The following PPP4R2 variants were observed in gnomAD, a reference collection of about 807,000 sequenced individuals.
PPP4R2 encodes serine/threonine-protein phosphatase 4 regulatory subunit 2.
In PPP4R2, 13 loss-of-function variants were observed where a neutral mutation model predicts 47.2. That is an observed-to-expected ratio of 0.28 (90% CI 0.18 to 0.44). The LOEUF (loss-of-function observed/expected upper bound fraction) is 0.44, where lower values mean the gene tolerates loss of function less well. Among genes scored for constraint, PPP4R2 ranks in the 20% least tolerant of loss-of-function variants. PPP4R2 has a pLI of 1.00. For missense variants in PPP4R2, 421 were observed against 491.2 expected, an observed-to-expected ratio of 0.86 and a Z score of 1.35; for synonymous variants, 151 against 163.3, an observed-to-expected ratio of 0.92 and a Z score of 0.57.
chr3:73,051,645 G>A (rs948031707), intron 3 of PPP4R2, among the ~76,000 whole-genome samples: 2 of 152,062 alleles, frequency 1.3e-5, no homozygotes, highest in East Asian at 3.9e-4. Context: ...TTTGGTTTTC[G>A]AGATGGAGTC....
intron 2 of PPP4R2, among the ~76,000 whole-genome samples, chr3:73,018,594 C>G (rs979652063): frequency 3.3e-5 from 5 of 152,014 alleles, no homozygotes; most frequent in Non-Finnish European, 7.4e-5. Flanking sequence ...GTGTCTTGGT[C>G]TTTAAAATTT....
At position 73,068,531 on chromosome 3, in the gene PPP4R2, G is replaced by C. The variant is rs914804320; in HGVS notation, c.*2809G>C. On this transcript the variant is annotated 3_prime_UTR_variant, in exon 9 of 9. Coordinates refer to ENST00000356692, the MANE Select transcript of PPP4R2 (RefSeq NM_174907.4). ...GTTGATTATTAGATAAATTTAACCT[G>C]CTTAGGGTTTATTGTAACTACACCT... is the stretch of plus-strand genomic sequence containing the variant. 4 of 152,150 alleles carry C rather than the reference G, an allele frequency of 2.6e-5. No homozygotes were observed. The highest frequency in any genetic ancestry group is 5.9e-5 in the Non-Finnish European group (4 of 68,026). 9.4% of individuals were successfully genotyped at this position (152,150 alleles called of 1,614,324 possible). A position where few individuals can be genotyped will look rare whatever the true frequency, so the allele number is the denominator to read the frequency against.
intron 2 of PPP4R2, among the ~76,000 whole-genome samples, chr3:73,033,840 T>G (rs1334851881): frequency 6.6e-6 from 1 of 152,242 alleles, no homozygotes; most frequent in Non-Finnish European, 1.5e-5. Context: ...TGTTTTCACC[T>G]TTTAGCCATT....
intron 2 of PPP4R2, among the ~76,000 whole-genome samples, chr3:73,007,976 A>T (rs978230412): frequency 3.7e-4 from 56 of 152,106 alleles, no homozygotes; most frequent in African/African-American, 1.4e-3. Flanking sequence ...TTTTTCCCTC[A>T]AAATTTTTTT....
rs1245599779 is a variant in PPP4R2, at chr3:73,002,629, C to CTTTTTTTTTTTTT, written c.116+4475_116+4476insTTTTTTTTTTTTT. 5.3e-3 allele frequency among the ~76,000 whole-genome samples: 436 copies of CTTTTTTTTTTTTT among 82,852 alleles called. 45 individuals carry two copies. The highest frequency in any genetic ancestry group is 7.7e-3 in the African/African-American group (140 of 18,068). The allele number at this position is 82,852 out of a possible 152,430, so 54.4% of individuals were successfully genotyped here. A position where few individuals can be genotyped will look rare whatever the true frequency, so the allele number is the denominator to read the frequency against. On this transcript the variant is annotated intron_variant, in intron 2 of 8. Coordinates refer to ENST00000356692, the MANE Select transcript of PPP4R2 (RefSeq NM_174907.4). ...TTTTTCTTTTCTTTTCTTTTCTTTT[C>CTTTTTTTTTTTTT]TTTTCTTTTTTTTTTTTTTTTTTTT... is the stretch of plus-strand genomic sequence containing the variant.
Position 73,040,854 on chromosome 3 carries a change from A to G in PPP4R2, c.117-6332A>G, listed in dbSNP as rs548208589. Among the ~76,000 whole-genome samples the G allele has an allele frequency of 9.8e-5, 15 of 152,298 alleles. No individual in the cohort carries two copies. In the South Asian group the frequency reaches 2.3e-3, roughly 23 times the overall value. The stretch of plus-strand genomic sequence containing the variant: ...ACTGTGATTAATAAATTATGGCACA[A>G]ATACGTGGTGCAGTTAAAAATCTTG... On this transcript the variant is annotated intron_variant, in intron 2 of 8. Coordinates refer to ENST00000356692, the MANE Select transcript of PPP4R2 (RefSeq NM_174907.4).
Position 73,065,157 on chromosome 3 carries a change from CTGTAAAAGGGT to C in PPP4R2, c.928+17_928+27del. The C allele has an allele frequency of 6.3e-7, 1 of 1,582,126 alleles. No individual in the cohort carries two copies. On this transcript the variant is annotated intron_variant, in intron 8 of 8. Coordinates refer to ENST00000356692, the MANE Select transcript of PPP4R2 (RefSeq NM_174907.4). ...GAAGAAGAAGGTATTTAGAGACCAT[CTGTAAAAGGGT>C]GGAGTAAGGAGATCCTCAAATTCTT... is the stretch of plus-strand genomic sequence containing the variant.
intron 2 of PPP4R2, among the ~76,000 whole-genome samples, chr3:73,032,239 CTTTG>C (rs1328778602): frequency 2.0e-5 from 3 of 151,336 alleles, no homozygotes; most frequent in Non-Finnish European, 2.9e-5. Context: ...TTTAAATTTT[CTTTG>C]TTTTTTATTT....
rs555109619 is a variant in PPP4R2, at chr3:73,024,321, AG to A, written c.117-22863del. Among the ~76,000 whole-genome samples, 19 of 152,324 alleles carry A rather than the reference AG, an allele frequency of 1.2e-4. No individual in the cohort carries two copies. The East Asian group carries it at 3.5e-3, about 28-fold the overall frequency. On this transcript the variant is annotated intron_variant, in intron 2 of 8. Transcript: ENST00000356692. ...TCAAGGGATAAATTTCTAGGAAGAA[AG>A]GAAAATAGCAATAAAGTTACTTTAT...
At chr3:73,040,992 A>T (rs1702366862) in intron 2 of PPP4R2, among the ~76,000 whole-genome samples, 1 of 146,754 alleles carries the variant, frequency 6.8e-6, no homozygotes, top group Non-Finnish European at 1.5e-5. Flanking sequence ...TTTAGTGATG[A>T]TGGTTGACTG....
At chr3:73,023,862 T>C (rs1418144144) in intron 2 of PPP4R2, among the ~76,000 whole-genome samples, 2 of 152,194 alleles carry the variant, frequency 1.3e-5, no homozygotes, top group African/African-American at 4.8e-5. Context: ...AGGTATAATA[T>C]ACTTGGAAGA....
intron 2 of PPP4R2, 26 bp from the exon 3 acceptor site, chr3:73,047,160 T>A (rs1392535780): frequency 3.8e-6 from 5 of 1,328,384 alleles, no homozygotes; most frequent in Middle Eastern, 5.2e-4. Flanking sequence ...CATGGTATTA[T>A]ATATTTTTTA....
intron 2 of PPP4R2, among the ~76,000 whole-genome samples, chr3:73,009,564 T>C (rs540171882): frequency 6.4e-4 from 98 of 152,344 alleles, no homozygotes; most frequent in Middle Eastern, 3.4e-3. Context: ...ATGACATTAC[T>C]GGATACCTGT....
At chr3:73,021,852 G>A (rs981681370) in intron 2 of PPP4R2, among the ~76,000 whole-genome samples, 12 of 113,210 alleles carry the variant, frequency 1.1e-4, no homozygotes, top group African/African-American at 6.4e-4. Context: ...TTCTATATGT[G>A]TGTGTGTGTG....
chr3:73,063,354 G>A (rs576015148), intron 5 of PPP4R2: 1 of 233,644 alleles, frequency 4.3e-6, no homozygotes, highest in South Asian at 9.7e-5. Context: ...CAGGTGTGGT[G>A]GCTTAACGCC....
chr3:73,054,576 A>G (rs1001609699), intron 3 of PPP4R2, among the ~76,000 whole-genome samples: 16 of 152,218 alleles, frequency 1.1e-4, no homozygotes, highest in Admixed American at 4.6e-4. Context: ...TAAAATCCAC[A>G]TATACATGGG....
At chr3:73,064,643 CAT>C (rs1226257351) in intron 7 of PPP4R2, among the ~76,000 whole-genome samples, 1 of 152,114 alleles carries the variant, frequency 6.6e-6, no homozygotes, top group Non-Finnish European at 1.5e-5. Context: ...ACAGAAAGGT[CAT>C]ATAGCTTTTC....
chr3:72,999,390 C>T (rs779823474), intron 2 of PPP4R2, among the ~76,000 whole-genome samples: 1 of 152,158 alleles, frequency 6.6e-6, no homozygotes, highest in Non-Finnish European at 1.5e-5. Context: ...ATAAATTAAT[C>T]CCTAAAACAT....
At chr3:73,004,859 GTGTGTGTGTGTTTGTTTGTT>G (rs1048850702) in intron 2 of PPP4R2, among the ~76,000 whole-genome samples, 1 of 51,228 alleles carries the variant, frequency 2.0e-5, no homozygotes, top group African/African-American at 1.2e-4. Flanking sequence ...GTGTGTGTGT[GTGTGTGTGTGTTTGTTTGTT>G]TGTTTGTGTG....
Sources: allele counts gnomAD v4.1 joint callset (sites outside exome capture counted in the v4.1 genomes callset), GRCh38; gene constraint gnomAD v4.1.1; transcripts MANE v1.5; gene names NCBI Gene and HGNC (gene_info 2026-07-23, HGNC 2026-07-21).